The following MCCC2 variants were observed in gnomAD, a reference collection of about 807,000 sequenced individuals.
MCCC2 encodes methylcrotonyl-CoA carboxylase subunit 2.
MCCC2 carries 52 observed loss-of-function variants against 77.2 expected under a neutral mutation model. That is an observed-to-expected ratio of 0.67 (90% CI 0.54 to 0.85). MCCC2 has a LOEUF of 0.85. Among genes scored for constraint, MCCC2 ranks in the 40% least tolerant of loss-of-function variants. The probability of loss-of-function intolerance (pLI) is 0.00; values close to 1 mark genes in which losing one functional copy is unlikely to be tolerated. For missense variants in MCCC2, 682 were observed against 703.2 expected (o/e 0.97, Z 0.34); for synonymous variants, 253 against 248.4 (o/e 1.02, Z -0.18).
At chr5:71,594,896 CTCTTT>C (rs1561818197) in intron 2 of MCCC2, among the ~76,000 whole-genome samples, 1 of 59,392 alleles carries the variant, frequency 1.7e-5, no homozygotes, top group Non-Finnish European at 4.5e-5. Flanking sequence ...TTAAGTCTCT[CTCTTT>C]TTTTTTTTTT....
At position 71,599,262 on chromosome 5, in the gene MCCC2, C is replaced by T. The variant is rs148083961; in HGVS notation, c.282-397C>T. Reference sequence around the variant, plus strand: ...GCGCATGCCTGTAATCCCAGTTACTCGGGAGGCTGAGGCAGGAGAATCGCT... The same window carrying T: ...GCGCATGCCTGTAATCCCAGTTACTTGGGAGGCTGAGGCAGGAGAATCGCT... On this transcript the variant is annotated intron_variant, in intron 3 of 16. Transcript: ENST00000340941. Among the ~76,000 whole-genome samples, 915 of 152,080 alleles carry T rather than the reference C, an allele frequency of 6.0e-3. 9 individuals carry two copies. The highest frequency in any genetic ancestry group is 9.7e-3 in the Non-Finnish European group (662 of 67,994).
chr5:71,650,727 C>T (rs1747415729), intron 15 of MCCC2, among the ~76,000 whole-genome samples: 1 of 152,184 alleles, frequency 6.6e-6, no homozygotes, highest in African/African-American at 2.4e-5. Context: ...CGGCTCACTG[C>T]AAGCTCCGCC....
chr5:71,633,125 A>ATTT (rs1398247533), intron 8 of MCCC2, among the ~76,000 whole-genome samples: 2 of 42,900 alleles, frequency 4.7e-5, no homozygotes, highest in Non-Finnish European at 9.4e-5. Context: ...ATATATATAT[A>ATTT]TATATATTTT....
chr5:71,587,454 G>A lies in MCCC2; in HGVS notation c.29G>A (p.Arg10Gln). 3 of 1,535,284 alleles carry A rather than the reference G, an allele frequency of 2.0e-6. No homozygotes were observed. Among genetic ancestry groups the A allele is most frequent in the Non-Finnish European group, 2.6e-6 (3 of 1,146,140 alleles). The change falls in exon 1 of 17, where the codon CGG becomes CAG. Residue 10 changes from arginine to glutamine, a missense_variant. By Grantham distance (43) the Arg-to-Gln change is conservative (BLOSUM62 1). Coordinates refer to ENST00000340941, the MANE Select transcript of MCCC2 (RefSeq NM_022132.5). Reference protein sequence around the residue: MWAVLRLALRPCARASPAGP... With the variant: MWAVLRLALQPCARASPAGP... ...TGGGCCGTCCTGAGGTTAGCCCTGC[G>A]GCCGTGTGCCCGCGCCTCTCCCGCC...
intron 6 of MCCC2, among the ~76,000 whole-genome samples, chr5:71,622,227 T>G (rs1220581614): frequency 6.6e-6 from 1 of 152,054 alleles, no homozygotes; most frequent in East Asian, 1.9e-4. Context: ...AACGTCTTTG[T>G]TGTACCACAG....
intron 10 of MCCC2, chr5:71,636,037 T>C (rs1191196330): frequency 2.9e-6 from 1 of 341,854 alleles, no homozygotes; most frequent in South Asian, 2.5e-5. Context: ...GTTGAGATAG[T>C]CTATACGTAT....
intron 4 of MCCC2, among the ~76,000 whole-genome samples, chr5:71,600,004 A>G (rs767954072): frequency 5.9e-5 from 9 of 152,068 alleles, no homozygotes; most frequent in Non-Finnish European, 1.0e-4. Flanking sequence ...TGTCTCTACT[A>G]AAAATAAAAA....
At chr5:71,598,119 C>T (rs1745265216) in intron 3 of MCCC2, among the ~76,000 whole-genome samples, 1 of 147,750 alleles carries the variant, frequency 6.8e-6, no homozygotes, top group East Asian at 2.0e-4. Flanking sequence ...TGTCACCAGG[C>T]TGGAGTGCAG....
At position 71,607,091 on chromosome 5, in the gene MCCC2, A is replaced by C. The variant is rs1037605971; in HGVS notation, c.624+2623A>C. 2.5e-3 allele frequency among the ~76,000 whole-genome samples: 377 copies of C among 151,988 alleles called. 2 individuals are homozygous for C. The highest frequency in any genetic ancestry group is 8.1e-3 in the African/African-American group (336 of 41,482). ...GGTATCAGAATGATGCTGGCCTCAT[A>C]AAATGAGTTAGGGAGGATTCCCTCT... On this transcript the variant is annotated intron_variant, in intron 6 of 16. Transcript: ENST00000340941.
chr5:71,618,932 T>C (rs112593701), intron 6 of MCCC2, among the ~76,000 whole-genome samples: 25 of 152,324 alleles, frequency 1.6e-4, no homozygotes, highest in African/African-American at 6.0e-4. Flanking sequence ...CTCTTTCTTG[T>C]TTTAGTATAA....
chr5:71,612,167 G>A (rs1191853953), intron 6 of MCCC2, among the ~76,000 whole-genome samples: 2 of 152,146 alleles, frequency 1.3e-5, no homozygotes, highest in Non-Finnish European at 2.9e-5. Flanking sequence ...GGTTTATTAA[G>A]ATTAGGTATT....
intron 6 of MCCC2, among the ~76,000 whole-genome samples, chr5:71,621,707 C>T (rs1156976601): frequency 6.6e-6 from 1 of 150,978 alleles, no homozygotes; most frequent in Non-Finnish European, 1.5e-5. Context: ...TTGCTTTTAG[C>T]AATATTAAGA....
chr5:71,637,989 G>A (rs1444491503), intron 10 of MCCC2, among the ~76,000 whole-genome samples: 1 of 152,040 alleles, frequency 6.6e-6, no homozygotes, highest in African/African-American at 2.4e-5. Context: ...TGGGATTACA[G>A]GCATCACCCA....
At chr5:71,634,817 A>C in intron 8 of MCCC2, 126 bp from the exon 9 acceptor site, 3 of 822,448 alleles carry the variant, frequency 3.6e-6, no homozygotes, top group South Asian at 3.1e-5. Context: ...AAAGATGACA[A>C]ATTTTTTAAG....
intron 11 of MCCC2, among the ~76,000 whole-genome samples, chr5:71,643,248 G>T (rs1179663053): frequency 6.6e-6 from 1 of 151,914 alleles, no homozygotes; most frequent in Non-Finnish European, 1.5e-5. Context: ...TGGGTGTGGG[G>T]GTGAGTGTCT....
At chr5:71,623,114 C>T (rs919718643) in intron 6 of MCCC2, among the ~76,000 whole-genome samples, 4 of 152,204 alleles carry the variant, frequency 2.6e-5, no homozygotes, top group Non-Finnish European at 5.9e-5. Context: ...AAAAGTACTT[C>T]CAAACAAAGT....
intron 13 of MCCC2, among the ~76,000 whole-genome samples, chr5:71,648,453 T>C (rs757872279): frequency 3.5e-4 from 54 of 152,304 alleles, no homozygotes; most frequent in Non-Finnish European, 6.2e-4. Context: ...AACCTTGCTA[T>C]TGAGTCACTG....
intron 16 of MCCC2, among the ~76,000 whole-genome samples, chr5:71,655,783 C>T (rs894049183): frequency 6.6e-6 from 1 of 152,180 alleles, no homozygotes; most frequent in Non-Finnish European, 1.5e-5. Flanking sequence ...TTTCGTTATA[C>T]ATTTGAGGTT....
intron 7 of MCCC2, among the ~76,000 whole-genome samples, chr5:71,629,254 C>G (rs937867041): frequency 6.6e-6 from 1 of 151,698 alleles, no homozygotes; most frequent in Non-Finnish European, 1.5e-5. Context: ...AATGATTTTA[C>G]TTCTATGAAA....
Sources: allele counts gnomAD v4.1 joint callset (sites outside exome capture counted in the v4.1 genomes callset), GRCh38; gene constraint gnomAD v4.1.1; transcripts MANE v1.5; gene names NCBI Gene and HGNC (gene_info 2026-07-23, HGNC 2026-07-21).